PPP1R1C: variants seen among roughly 807,000 people sequenced by gnomAD.
The protein encoded by PPP1R1C is protein phosphatase 1 regulatory inhibitor subunit 1C.
PPP1R1C carries 15 observed loss-of-function variants against 17.4 expected under a neutral mutation model. That is an observed-to-expected ratio of 0.86 (90% confidence interval 0.58 to 1.33). The LOEUF (loss-of-function observed/expected upper bound fraction) is 1.33. Ranked by LOEUF, PPP1R1C falls within the 40% of genes most tolerant of loss-of-function variation. The pLI, the probability that PPP1R1C is intolerant of heterozygous loss-of-function variation, is 0.00. For missense variants in PPP1R1C, 143 were observed against 130.0 expected, an observed-to-expected ratio of 1.10 and a Z score of -0.48; for synonymous variants, 35 against 43.1, an observed-to-expected ratio of 0.81 and a Z score of 0.73.
intron 2 of PPP1R1C, among the ~76,000 whole-genome samples, chr2:182,017,276 A>G (rs1474804840): frequency 6.6e-6 from 1 of 152,128 alleles, no homozygotes; most frequent in East Asian, 1.9e-4. Context: ...TTATCAATAC[A>G]TTTTAGAGTT....
intron 4 of PPP1R1C, among the ~76,000 whole-genome samples, chr2:182,092,852 C>G (rs1688821872): frequency 1.3e-5 from 2 of 152,136 alleles, no homozygotes; most frequent in South Asian, 4.1e-4. Context: ...CAGGGTACAG[C>G]CTCCCTTCTG....
intron 4 of PPP1R1C, among the ~76,000 whole-genome samples, chr2:182,092,341 C>G (rs751707377): frequency 2.0e-5 from 3 of 152,086 alleles, no homozygotes; most frequent in Non-Finnish European, 2.9e-5. Flanking sequence ...TCAACCATCT[C>G]CCACCGGGTC....
upstream of PPP1R1C, among the ~76,000 whole-genome samples, chr2:181,984,406 G>A (rs1379208092): frequency 6.6e-6 from 1 of 152,150 alleles, no homozygotes; most frequent in Admixed American, 6.5e-5. Flanking sequence ...ATAATTTGAA[G>A]ATATATTCAA....
chr2:182,061,506 A>C, intron 3 of PPP1R1C, 27 bp downstream of exon 3: 1 of 1,403,010 alleles, frequency 7.1e-7, no homozygotes, highest in Non-Finnish European at 9.4e-7. Context: ...ATTTTGTATA[A>C]ATGTGTTCAA....
At chr2:182,037,980 T>A (rs1332174003) in intron 2 of PPP1R1C, among the ~76,000 whole-genome samples, 1 of 152,140 alleles carries the variant, frequency 6.6e-6, no homozygotes, top group Non-Finnish European at 1.5e-5. Flanking sequence ...CTGTGGAGAA[T>A]AATTGGGTTA....
At chr2:182,082,101 C>A (rs1038318495) in intron 4 of PPP1R1C, among the ~76,000 whole-genome samples, 1 of 152,084 alleles carries the variant, frequency 6.6e-6, no homozygotes, top group African/African-American at 2.4e-5. Context: ...CTGTATTTCC[C>A]TTTATCTACC....
intron 2 of PPP1R1C, among the ~76,000 whole-genome samples, chr2:182,040,427 C>G (rs1574402838): frequency 6.6e-6 from 1 of 152,120 alleles, no homozygotes; most frequent in African/African-American, 2.4e-5. Flanking sequence ...TTTCTTCATA[C>G]ATTTATTGGC....
intron 2 of PPP1R1C, among the ~76,000 whole-genome samples, chr2:182,045,481 T>G (rs1178213540): frequency 6.6e-6 from 1 of 152,060 alleles, no homozygotes; most frequent in African/African-American, 2.4e-5. Context: ...ATGCCTTCAG[T>G]TGATTAAGCC....
chr2:182,022,267 G>A (rs1465931135), intron 2 of PPP1R1C, among the ~76,000 whole-genome samples: 4 of 152,160 alleles, frequency 2.6e-5, no homozygotes, highest in Non-Finnish European at 5.9e-5. Flanking sequence ...AAAATATTTA[G>A]TGAGCATAGG....
chr2:181,985,543 G>A (rs148592108), upstream of PPP1R1C, among the ~76,000 whole-genome samples: 2 of 152,214 alleles, frequency 1.3e-5, no homozygotes, highest in South Asian at 2.1e-4. This position sits in a 1 kb window ranked among gnomAD's most constrained non-coding sequence, Gnocchi z 4.1. Context: ...CAACTGTTTC[G>A]TGGCTGAATG....
In PPP1R1C at chr2:181,976,424, G is replaced by A. The variant is rs1299525851; in HGVS notation, n.157+1160G>A. On this transcript the variant is annotated intron_variant and non_coding_transcript_variant, in intron 2 of 5. Transcript: ENST00000464264. This position sits in a 1 kb window ranked among gnomAD's most constrained non-coding sequence, Gnocchi z 4.8. ...TCTTATAACATTATTTTCTTCCATT[G>A]TATTACCAAACTATTTAAAATGTGA... is the stretch of plus-strand genomic sequence containing the variant. 1.3e-5 allele frequency among the ~76,000 whole-genome samples: 2 copies of A among 152,138 alleles called. No homozygotes were observed. The highest frequency in any genetic ancestry group is 3.9e-4 in the East Asian group (2 of 5,176).
intron 4 of PPP1R1C, among the ~76,000 whole-genome samples, chr2:182,109,887 T>C (rs996264844): frequency 6.6e-6 from 1 of 152,204 alleles, no homozygotes; most frequent in African/African-American, 2.4e-5. Flanking sequence ...TGAGAGTCAG[T>C]TGAAGTTGTA....
intron 4 of PPP1R1C, among the ~76,000 whole-genome samples, chr2:182,104,437 C>A (rs1689188314): frequency 6.6e-6 from 1 of 152,186 alleles, no homozygotes; most frequent in African/African-American, 2.4e-5. Flanking sequence ...ACTTTTTCTG[C>A]ACCTATTGAG....
At chr2:182,127,433 A>G (rs1689901432) in intron 5 of PPP1R1C, among the ~76,000 whole-genome samples, 1 of 152,058 alleles carries the variant, frequency 6.6e-6, no homozygotes, top group Non-Finnish European at 1.5e-5. Flanking sequence ...CGGTGTAGAG[A>G]TATGTTTATG....
At chr2:181,973,776 C>G (rs1343893156) in intron 1 of PPP1R1C, among the ~76,000 whole-genome samples, 1 of 152,182 alleles carries the variant, frequency 6.6e-6, no homozygotes, top group East Asian at 1.9e-4. Flanking sequence ...AAGGCATACT[C>G]AGGATGAATA....
Position 181,980,186 on chromosome 2 carries a change from T to C in PPP1R1C, n.157+4922T>C, listed in dbSNP as rs1221258704. On this transcript the variant is annotated intron_variant and non_coding_transcript_variant, in intron 2 of 5. Coordinates refer to the PPP1R1C transcript ENST00000464264. ...TTGTTGGATGTATAAATAATATTTA[T>C]GAAAGCATTTTGGAAATGAATATAT... is the stretch of plus-strand genomic sequence containing the variant. Among the ~76,000 whole-genome samples, 3 of 152,210 alleles carry C rather than the reference T, an allele frequency of 2.0e-5. No individual in the cohort carries two copies. In the East Asian group the frequency reaches 5.8e-4, roughly 29 times the overall value.
rs369734736 is a variant in PPP1R1C, at chr2:181,999,780, C to CA, written c.142+11892dup. On this transcript the variant is annotated intron_variant, in intron 2 of 4. Transcript: ENST00000682840. ...GATATTTTATTCTATAAGCTAAAAA[C>CA]AAAAAAAAAAAGATAACCAAATAGA... is the stretch of plus-strand genomic sequence containing the variant. Among the ~76,000 whole-genome samples the CA allele has an allele frequency of 1.2e-3, 164 of 139,452 alleles. 1 individual carries two copies. The highest frequency in any genetic ancestry group is 2.9e-3 in the East Asian group (14 of 4,902). The allele number at this position is 139,452 out of a possible 152,430, so 91.5% of individuals were successfully genotyped here.
chr2:182,051,780 T>C (rs1187903186), intron 2 of PPP1R1C, among the ~76,000 whole-genome samples: 2 of 152,212 alleles, frequency 1.3e-5, no homozygotes, highest in Non-Finnish European at 2.9e-5. Flanking sequence ...TGTTTTTTGA[T>C]ATTAGAGTGT....
intron 2 of PPP1R1C, among the ~76,000 whole-genome samples, chr2:182,009,808 GAGAT>G (rs1272539870): frequency 6.6e-6 from 1 of 152,036 alleles, no homozygotes; most frequent in Non-Finnish European, 1.5e-5. Context: ...TTTATGGTGA[GAGAT>G]AGGGGTCTAG....
Sources: gnomAD v4.1 joint callset for allele counts (sites outside exome capture counted in the v4.1 genomes callset) on GRCh38, gnomAD v4.1.1 for gene constraint, Gnocchi (gnomAD v3.1) non-coding constraint, MANE v1.5 for transcripts, NCBI Gene and HGNC (gene_info 2026-07-23, HGNC 2026-07-21) for gene names.